Variants in NUP58 observed in about 807,000 individuals in gnomAD.
The protein encoded by NUP58 is nucleoporin 58, also known as nucleoporin p58/p45.
NUP58 carries 17 observed loss-of-function variants against 70.1 expected under a neutral mutation model. The ratio of observed to expected loss-of-function variants is 0.24; its 90% CI spans 0.17 to 0.36. NUP58 has a LOEUF of 0.36. Among genes scored for constraint, NUP58 ranks in the 10% least tolerant of loss-of-function variants. NUP58 has a pLI of 1.00. For missense variants in NUP58, 644 were observed against 701.5 expected (o/e 0.92, Z 0.93); for synonymous variants, 275 against 257.6 (o/e 1.07, Z -0.65).
intron 6 of NUP58, chr13:25,317,879 T>TTG (rs1491034014): frequency 2.7e-5 from 4 of 148,514 alleles, no homozygotes; most frequent in African/African-American, 7.5e-5. Flanking sequence ...TTTTTTTTTT[T>TTG]GGGATACAGT....
At position 25,316,183 on chromosome 13, in the gene NUP58, CT is replaced by C. The variant is rs569964613; in HGVS notation, c.685+717del. Reference sequence around the variant, plus strand: ...CAGAAAGATTTTACCAGTTTACCCCCTAACCAGTATGAAAATACCTTTCTTG... The same window carrying C: ...CAGAAAGATTTTACCAGTTTACCCCCAACCAGTATGAAAATACCTTTCTTG... On this transcript the variant is annotated intron_variant, in intron 6 of 15. Transcript: ENST00000381736. 3.3e-5 allele frequency among the ~76,000 whole-genome samples: 5 copies of C among 152,260 alleles called. No individual in the cohort carries two copies. In the East Asian group the frequency reaches 9.6e-4, roughly 29 times the overall value.
chr13:25,336,899 T>G lies in NUP58; in HGVS notation c.1436-37T>G, dbSNP rs777845938. 5.6e-6 allele frequency: 8 copies of G among 1,424,930 alleles called. No homozygotes were observed. The African/African-American group carries it at 1.2e-4, about 21-fold the overall frequency. The allele number at this position is 1,424,930 out of a possible 1,614,324, so 88.3% of individuals were successfully genotyped here. ...CTTGAAAGAGTAAGGCAAATTTGTT[T>G]TTTTTCCCCCCCATTTTTTTTTTTT... On this transcript the variant is annotated intron_variant, in intron 13 of 15. Transcript: ENST00000381736.
Position 25,332,125 on chromosome 13 carries a change from T to C in NUP58, c.1435+567T>C, listed in dbSNP as rs564249200. ...TAAACCAAATTTTGAAGATGATACA[T>C]GCTAGAATTGTACCTTTCCAAGGTG... On this transcript the variant is annotated intron_variant, in intron 13 of 15. Coordinates refer to ENST00000381736, the MANE Select transcript of NUP58 (RefSeq NM_014089.4). 3.0e-6 allele frequency: 3 copies of C among 989,982 alleles called. No homozygotes were observed. In the East Asian group the frequency reaches 3.3e-4, roughly 110 times the overall value. The allele number at this position is 989,982 out of a possible 1,614,324, so 61.3% of individuals were successfully genotyped here. A position where few individuals can be genotyped will look rare whatever the true frequency, so the allele number is the denominator to read the frequency against.
In NUP58 at chr13:25,340,255, C is replaced by T. The variant is rs2031914034; in HGVS notation, c.*121C>T. The T allele has an allele frequency of 3.0e-6, 3 of 989,176 alleles. No homozygotes were observed. In the African/African-American group the frequency reaches 5.1e-5, roughly 17 times the overall value. 61.3% of individuals were successfully genotyped at this position (989,176 alleles called of 1,614,324 possible). A position where few individuals can be genotyped will look rare whatever the true frequency, so the allele number is the denominator to read the frequency against. The stretch of plus-strand genomic sequence containing the variant: ...ATTTATAAAGTTTTGATATTTTTCC[C>T]TACTCTGGAATTTGAACTTTCTTCA... On this transcript the variant is annotated 3_prime_UTR_variant, in exon 16 of 16. Transcript: ENST00000381736.
chr13:25,319,235 A>C, intron 6 of NUP58, 91 bp from the exon 7 acceptor site: 1 of 1,011,318 alleles, frequency 9.9e-7, no homozygotes, highest in Non-Finnish European at 1.5e-6. Flanking sequence ...GTTTATATTT[A>C]TACTTTAATT....
intron 3 of NUP58, among the ~76,000 whole-genome samples, chr13:25,310,591 A>G (rs1250586022): frequency 7.9e-6 from 1 of 126,226 alleles, no homozygotes; most frequent in Non-Finnish European, 1.5e-5. Flanking sequence ...ATGGACTCCT[A>G]GCCTCAAGCC....
chr13:25,303,537 C>G (rs557191534), intron 1 of NUP58, among the ~76,000 whole-genome samples: 1 of 152,078 alleles, frequency 6.6e-6, no homozygotes, highest in Non-Finnish European at 1.5e-5. Flanking sequence ...AGCAACATGG[C>G]CTTTTCTCTT....
intron 6 of NUP58, among the ~76,000 whole-genome samples, chr13:25,318,036 A>T (rs914715058): frequency 6.6e-6 from 1 of 151,880 alleles, no homozygotes; most frequent in African/African-American, 2.4e-5. Flanking sequence ...GCTAATTTTT[A>T]AAAAATTTTT....
At position 25,341,786 on chromosome 13, in the gene NUP58, A is replaced by G. The variant is rs1159786806; in HGVS notation, c.*1652A>G. ...AGATAGGATGTGAACATGGAATTTC[A>G]TTGAAAATAGTTTAATTTTTTATAT... On this transcript the variant is annotated 3_prime_UTR_variant, in exon 16 of 16. Coordinates refer to ENST00000381736, the MANE Select transcript of NUP58 (RefSeq NM_014089.4). The G allele has an allele frequency of 6.6e-6, 1 of 152,666 alleles. No individual in the cohort carries two copies. Among genetic ancestry groups the G allele is most frequent in the Non-Finnish European group, 1.5e-5 (1 of 68,038 alleles). 9.5% of individuals were successfully genotyped at this position (152,666 alleles called of 1,614,324 possible).
At chr13:25,304,140 G>A (rs2137701630) in intron 1 of NUP58, among the ~76,000 whole-genome samples, 1 of 152,222 alleles carries the variant, frequency 6.6e-6, no homozygotes, top group East Asian at 1.9e-4. Flanking sequence ...TCTGGCACTT[G>A]CTAAGTGCTC....
chr13:25,309,383 C>A, intron 3 of NUP58, 101 bp downstream of exon 3: 1 of 903,792 alleles, frequency 1.1e-6, no homozygotes, highest in Non-Finnish European at 1.7e-6. Context: ...TTTCACAGAG[C>A]TGGAGTATAG....
At chr13:25,327,227 A>G (rs1013163663) in intron 11 of NUP58, among the ~76,000 whole-genome samples, 193 bp downstream of exon 11, 4 of 152,206 alleles carry the variant, frequency 2.6e-5, no homozygotes, top group Non-Finnish European at 4.4e-5. Flanking sequence ...TAACAAGGAC[A>G]GAAATCTTAG....
chr13:25,345,091 G>A (rs1460930499), downstream of NUP58, among the ~76,000 whole-genome samples: 3 of 152,090 alleles, frequency 2.0e-5, no homozygotes, highest in Non-Finnish European at 4.4e-5. Flanking sequence ...AGTCTGTCCT[G>A]GGTACCACTC....
intron 13 of NUP58, chr13:25,332,461 T>C: frequency 1.0e-6 from 1 of 983,876 alleles, no homozygotes; most frequent in Non-Finnish European, 1.2e-6. Flanking sequence ...CATAAATTTC[T>C]TAGTAATGCT....
At chr13:25,322,656 G>A (rs2031235139) in intron 9 of NUP58, among the ~76,000 whole-genome samples, 1 of 152,128 alleles carries the variant, frequency 6.6e-6, no homozygotes, top group Non-Finnish European at 1.5e-5. Context: ...TTAAATTTGG[G>A]TTCTATCCCC....
rs2031966353 is a variant in NUP58, at chr13:25,341,833, G to A, written c.*1699G>A. On this transcript the variant is annotated 3_prime_UTR_variant, in exon 16 of 16. Transcript: ENST00000381736. The stretch of plus-strand genomic sequence containing the variant: ...ATATAAAAGGTTTTGTATATAATGT[G>A]TGTCAGTGACTATTTTCAAAATCAT... The A allele has an allele frequency of 6.6e-6, 1 of 152,580 alleles. No homozygotes were observed. The highest frequency in any genetic ancestry group is 2.1e-4 in the South Asian group (1 of 4,826). The allele number at this position is 152,580 out of a possible 1,614,324, so 9.5% of individuals were successfully genotyped here.
At chr13:25,302,905 TTC>T (rs1221951875) in intron 1 of NUP58, 2 of 452,324 alleles carry the variant, frequency 4.4e-6, no homozygotes, top group African/African-American at 4.0e-5. Flanking sequence ...CTTCTGCCAT[TTC>T]TGTTTGTCTT....
At chr13:25,321,607 G>A (rs544003657) in intron 9 of NUP58, among the ~76,000 whole-genome samples, 5 of 152,198 alleles carry the variant, frequency 3.3e-5, no homozygotes, top group South Asian at 4.1e-4. Context: ...CTTGCAAGTC[G>A]TGGTTAAATC....
intron 5 of NUP58, 61 bp from the exon 6 acceptor site, chr13:25,315,296 T>C: frequency 8.4e-7 from 1 of 1,191,142 alleles, no homozygotes; most frequent in South Asian, 1.3e-5. Flanking sequence ...AGTCCTTTGA[T>C]CAGTAAGGGG....
Sources: gnomAD v4.1 joint callset for allele counts (sites outside exome capture counted in the v4.1 genomes callset) on GRCh38, gnomAD v4.1.1 for gene constraint, MANE v1.5 for transcripts, NCBI Gene and HGNC (gene_info 2026-07-23, HGNC 2026-07-21) for gene names.